Variants in ULK2 observed in about 807,000 individuals in gnomAD.
ULK2 encodes unc-51 like autophagy activating kinase 2.
In ULK2, 76 loss-of-function variants were observed where a neutral mutation model predicts 127.5. That is an observed-to-expected ratio of 0.60 (90% CI 0.50 to 0.72). The LOEUF is 0.72. ULK2 is among the 30% of genes least tolerant of loss of function. ULK2 has a pLI of 0.00. For synonymous variants in ULK2, 452 were observed against 461.9 expected (o/e 0.98, Z 0.28); for missense variants, 1,144 against 1,295.9 (o/e 0.88, Z 1.80).
intron 14 of ULK2, among the ~76,000 whole-genome samples, chr17:19,806,813 C>G (rs979883996): frequency 6.6e-6 from 1 of 152,236 alleles, no homozygotes; most frequent in Non-Finnish European, 1.5e-5. Context: ...GGACCGTCAT[C>G]TTGGACCCAT....
chr17:19,789,605 G>C (rs1393864113), intron 20 of ULK2, among the ~76,000 whole-genome samples: 3 of 152,136 alleles, frequency 2.0e-5, no homozygotes, highest in Non-Finnish European at 4.4e-5. Context: ...CTTTCAGACA[G>C]AGAATTCAAA....
At chr17:19,777,246 AG>A (rs2086828672) in intron 26 of ULK2, among the ~76,000 whole-genome samples, 1 of 152,188 alleles carries the variant, frequency 6.6e-6, no homozygotes, top group African/African-American at 2.4e-5. Context: ...TGGAGCTTAC[AG>A]GTATGCGCCA....
At position 19,795,625 on chromosome 17, in the gene ULK2, T is replaced by C. The variant is rs774808348; in HGVS notation, c.2098A>G (p.Ile700Val). 4 of 1,613,218 alleles carry C rather than the reference T, an allele frequency of 2.5e-6. No homozygotes were observed. The highest frequency in any genetic ancestry group is 2.2e-5 in the East Asian group (1 of 44,856). ...DSLNTERPMD[I>V]APAGACGGVL... Reference sequence around the variant, plus strand: ...AAAGAAACTACATTTTTCTTACCTATATCCATTGGTCGTTCTGTATTTAAA... The same window carrying C: ...AAAGAAACTACATTTTTCTTACCTACATCCATTGGTCGTTCTGTATTTAAA... The change falls in exon 20 of 27, where the codon ATA becomes GTA. Residue 700 changes from isoleucine to valine, a missense_variant. Ile to Val is a conservative substitution (Grantham distance 29, BLOSUM62 3). Around this residue, in one of 2 missense-constraint regions of ULK2, gnomAD observed 913 missense variants for 970.5 expected, o/e 0.94. Transcript: ENST00000395544.
At chr17:19,840,496 C>T in intron 9 of ULK2, 1 of 453,620 alleles carries the variant, frequency 2.2e-6, no homozygotes, top group Non-Finnish European at 4.3e-6. Flanking sequence ...TTGGATCAAA[C>T]ATTTAACCTC....
At chr17:19,779,901 C>T (rs750677481) in intron 25 of ULK2, among the ~76,000 whole-genome samples, 1 of 152,016 alleles carries the variant, frequency 6.6e-6, no homozygotes, top group African/African-American at 2.4e-5. Flanking sequence ...CGGCTGGGCA[C>T]GGTGGCTCAC....
At position 19,810,308 on chromosome 17, in the gene ULK2, A is replaced by C. The variant is rs548961639; in HGVS notation, c.1157+70T>G. On this transcript the variant is annotated intron_variant, in intron 14 of 26. Coordinates refer to ENST00000395544, the MANE Select transcript of ULK2 (RefSeq NM_014683.4). ...AATAAATCTTAAATCAAGAACACTA[A>C]GTTCTATAACCTTACTCACAAAAAT... The C allele has an allele frequency of 3.0e-5, 30 of 985,262 alleles. No individual in the cohort carries two copies. The African/African-American group carries it at 3.8e-4, about 12-fold the overall frequency. 61.0% of individuals were successfully genotyped at this position (985,262 alleles called of 1,614,324 possible). A position where few individuals can be genotyped will look rare whatever the true frequency, so the allele number is the denominator to read the frequency against.
chr17:19,781,070 C>T lies in ULK2; in HGVS notation c.2674G>A (p.Ala892Thr), dbSNP rs1231706262. The change falls in exon 24 of 27, where the codon GCA becomes ACA. Residue 892 changes from alanine (A) to threonine (T), a missense_variant. Physicochemically the swap from Ala to Thr is moderately conservative, Grantham distance 58. Transcript: ENST00000395544. ...TGCAGAGAAGCCGCAAGCAGCTGTG[C>T]TGCTTTCATGTACAACACCAGCTGC... ...VEQLVLYMKA[A>T]QLLAASLHLA... 8.1e-6 allele frequency: 13 copies of T among 1,613,860 alleles called. No individual in the cohort carries two copies. Among genetic ancestry groups the T allele is most frequent in the Non-Finnish European group, 1.1e-5 (13 of 1,179,922 alleles).
intron 13 of ULK2, among the ~76,000 whole-genome samples, 164 bp from the exon 14 acceptor site, chr17:19,810,602 C>A (rs1478183596): frequency 2.6e-5 from 4 of 152,208 alleles, no homozygotes; most frequent in Non-Finnish European, 5.9e-5. Context: ...CAGAAAACTA[C>A]ACCTAGCTGA....
chr17:19,814,392 G>A (rs922802276), intron 13 of ULK2, among the ~76,000 whole-genome samples: 9 of 127,322 alleles, frequency 7.1e-5, no homozygotes, highest in African/African-American at 2.7e-4. Context: ...ATGTACACAA[G>A]AATGTCTGTT....
chr17:19,860,556 C>A (rs548084750), intron 3 of ULK2, among the ~76,000 whole-genome samples: 53 of 149,918 alleles, frequency 3.5e-4, no homozygotes, highest in African/African-American at 1.3e-3. Flanking sequence ...CGGAGTTTCC[C>A]TCTTGTTGCC....
intron 3 of ULK2, among the ~76,000 whole-genome samples, chr17:19,853,811 T>TC (rs1037826417): frequency 2.6e-5 from 4 of 151,096 alleles, no homozygotes; most frequent in Admixed American, 1.3e-4. Context: ...GACCTCGTGA[T>TC]CCCCCCGCCT....
chr17:19,832,127 C>CA (rs961712271), intron 10 of ULK2, among the ~76,000 whole-genome samples: 70 of 127,534 alleles, frequency 5.5e-4, no homozygotes, highest in East Asian at 8.9e-4. Flanking sequence ...AACTCCATCT[C>CA]AAAAAAAAAA....
rs1318186277 is a variant in ULK2 at position 19,776,396 on chromosome 17, T to C, written c.3064A>G (p.Ile1022Val). 4 of 1,598,930 alleles carry C rather than the reference T, an allele frequency of 2.5e-6. No homozygotes were observed. The highest frequency in any genetic ancestry group is 1.7e-4 in the Middle Eastern group (1 of 6,050). ...IENVHKYKCS[I>V]ERRLSALCHS... is the part of the protein sequence containing the mutation. ...CAGAGCGCCGACAGTCTTCTCTCAA[T>C]ACTACATTTATCTAGAAATAAAATA... The change falls in exon 27 of 27, where the codon ATT becomes GTT. Residue 1022 changes from isoleucine (I) to valine (V), a missense_variant. Physicochemically the swap from Ile to Val is conservative, Grantham distance 29. Around this residue, in one of 2 missense-constraint regions of ULK2, gnomAD observed 913 missense variants for 970.5 expected, o/e 0.94. Coordinates refer to ENST00000395544, the MANE Select transcript of ULK2 (RefSeq NM_014683.4).
At chr17:19,826,823 G>A (rs1182889236) in intron 10 of ULK2, among the ~76,000 whole-genome samples, 6 of 152,198 alleles carry the variant, frequency 3.9e-5, no homozygotes, top group East Asian at 1.9e-4. Flanking sequence ...TGGGCATGGC[G>A]GCCGGCGCCT....
At chr17:19,860,896 C>G (rs1340432943) in intron 3 of ULK2, 5 of 151,932 alleles carry the variant, frequency 3.3e-5, no homozygotes, top group African/African-American at 1.2e-4. Flanking sequence ...TCTCGCCTCC[C>G]ACGCAGGAGA....
rs553707830 is a variant in ULK2, at chr17:19,796,307, A to G, written c.1810-25T>C. 2.2e-5 allele frequency: 33 copies of G among 1,525,904 alleles called. 1 individual carries two copies. The African/African-American group carries it at 3.6e-4, about 17-fold the overall frequency. The allele number at this position is 1,525,904 out of a possible 1,614,324, so 94.5% of individuals were successfully genotyped here. ...TCTAAAGAGACATATATATATATATATATGTAAACTAGTTAATACGATGCA... is the reference window on the plus strand; with the variant it reads ...TCTAAAGAGACATATATATATATATGTATGTAAACTAGTTAATACGATGCA... On this transcript the variant is annotated intron_variant, in intron 18 of 26. Coordinates refer to ENST00000395544, the MANE Select transcript of ULK2 (RefSeq NM_014683.4).
At chr17:19,858,399 CA>C (rs1427005390) in intron 3 of ULK2, among the ~76,000 whole-genome samples, 2 of 149,480 alleles carry the variant, frequency 1.3e-5, no homozygotes, top group Non-Finnish European at 3.0e-5. Flanking sequence ...GACCCTGTCT[CA>C]AAAAAGAAAA....
chr17:19,853,539 GA>G (rs997107280), intron 3 of ULK2, among the ~76,000 whole-genome samples: 33 of 151,554 alleles, frequency 2.2e-4, no homozygotes, highest in African/African-American at 7.7e-4. Context: ...CACAGGAAAA[GA>G]GAAAAGAAAC....
chr17:19,820,195 C>T (rs1010059596), intron 12 of ULK2, among the ~76,000 whole-genome samples: 21 of 152,086 alleles, frequency 1.4e-4, no homozygotes, highest in South Asian at 6.2e-4. Context: ...ACTACAGGCG[C>T]GCCCCACCAC....
Sources: gnomAD v4.1 joint callset for allele counts (sites outside exome capture counted in the v4.1 genomes callset) on GRCh38, gnomAD v4.1.1 for gene constraint, gnomAD v4.1.1 regional missense constraint, MANE v1.5 for transcripts, NCBI Gene and HGNC (gene_info 2026-07-23, HGNC 2026-07-21) for gene names.